The following CCDC141 variants were observed in gnomAD, a reference collection of about 807,000 sequenced individuals.
CCDC141 encodes coiled-coil domain-containing protein 141.
A neutral mutation model predicts 181.0 loss-of-function variants in CCDC141; 168 were observed. The observed-to-expected ratio is 0.93, with a 90% CI of 0.82 to 1.05. CCDC141 has a LOEUF of 1.05. CCDC141 is among the 50% of genes least tolerant of loss of function. The probability of loss-of-function intolerance (pLI) is 0.00; values close to 1 mark genes in which losing one functional copy is unlikely to be tolerated. For synonymous variants in CCDC141, 666 were observed against 642.3 expected (o/e 1.04, Z -0.56); for missense variants, 1,902 against 1,788.5 (o/e 1.06, Z -1.14).
chr2:178,952,455 G>A (rs949947237), intron 5 of CCDC141, among the ~76,000 whole-genome samples: 3 of 152,168 alleles, frequency 2.0e-5, no homozygotes, highest in African/African-American at 7.2e-5. Flanking sequence ...CTGAGGCACA[G>A]AGGCCAAGTA....
intron 23 of CCDC141, chr2:178,835,870 G>A (rs1388623259): frequency 6.6e-6 from 1 of 152,424 alleles, no homozygotes; most frequent in Non-Finnish European, 1.5e-5. Flanking sequence ...AAAACAAAAA[G>A]CAAAAGTGAC....
intron 6 of CCDC141, among the ~76,000 whole-genome samples, chr2:178,942,937 T>C (rs1199695148): frequency 2.0e-5 from 3 of 152,188 alleles, no homozygotes; most frequent in Admixed American, 2.0e-4. Flanking sequence ...GGTTGAAATA[T>C]GAGCTATAAA....
rs76185070 is a variant in CCDC141 at position 178,879,723 on chromosome 2, T to C, written c.1720-1580A>G. On this transcript the variant is annotated intron_variant, in intron 11 of 23. Coordinates refer to ENST00000443758, the MANE Select transcript of CCDC141 (RefSeq NM_173648.4). ...GACCACCAACTCTATATGGAGTAAA[T>C]AGGGAAGAGCTTCCCAAAGGAAGTG... Among the ~76,000 whole-genome samples, 662 of 152,232 alleles carry C rather than the reference T, an allele frequency of 4.3e-3. 7 individuals carry two copies. Among genetic ancestry groups the C allele is most frequent in the African/African-American group, 0.015 (637 of 41,540 alleles).
intron 2 of CCDC141, among the ~76,000 whole-genome samples, chr2:179,007,947 T>C (rs2042160731): frequency 6.6e-6 from 1 of 152,208 alleles, no homozygotes; most frequent in Non-Finnish European, 1.5e-5. Context: ...TCAGAAGTAG[T>C]ACCAGAGAAT....
chr2:178,927,697 G>T (rs1040635535), intron 6 of CCDC141, among the ~76,000 whole-genome samples: 11 of 152,110 alleles, frequency 7.2e-5, no homozygotes, highest in African/African-American at 2.4e-4. Context: ...GTGGAGGTGG[G>T]GTGGGGAGTG....
intron 2 of CCDC141, among the ~76,000 whole-genome samples, chr2:179,026,226 C>A (rs1403100562): frequency 2.6e-5 from 4 of 152,196 alleles, no homozygotes; most frequent in Admixed American, 2.6e-4. Flanking sequence ...CAGCCCCTTC[C>A]ATCACAAGCC....
intron 2 of CCDC141, among the ~76,000 whole-genome samples, chr2:178,982,864 G>A (rs1338478309): frequency 2.0e-5 from 3 of 152,198 alleles, no homozygotes; most frequent in African/African-American, 7.2e-5. Context: ...AGATCAAACT[G>A]CAAGGCGGCA....
chr2:179,023,385 T>A (rs899789687), intron 2 of CCDC141, among the ~76,000 whole-genome samples: 1 of 152,154 alleles, frequency 6.6e-6, no homozygotes, highest in Non-Finnish European at 1.5e-5. Flanking sequence ...GGAATGCACA[T>A]CCAGGCAGGC....
At position 178,834,180 on chromosome 2, in the gene CCDC141, G is replaced by T; in HGVS notation, c.4586C>A (p.Thr1529Lys). 6.5e-7 allele frequency: 1 copy of T among 1,535,584 alleles called. No individual in the cohort carries two copies. Among genetic ancestry groups the T allele is most frequent in the Non-Finnish European group, 8.7e-7 (1 of 1,146,286 alleles). ...TTGGTGCCAACACCACAGTTATTGT[G>T]TGAGGAGCCAGTACATTAGGGACAC... is the stretch of plus-strand genomic sequence containing the variant. Reference protein sequence around the residue: ...VSVSLMYWLLTQ With the variant: ...VSVSLMYWLLKQ The change falls in exon 24 of 24, where the codon ACA becomes AAA. Residue 1529 changes from threonine to lysine, a missense_variant. Thr to Lys is a moderately conservative substitution (Grantham distance 78, BLOSUM62 -1). Coordinates refer to ENST00000443758, the MANE Select transcript of CCDC141 (RefSeq NM_173648.4).
At chr2:178,953,304 G>A (rs538383540) in intron 5 of CCDC141, among the ~76,000 whole-genome samples, 2 of 152,084 alleles carry the variant, frequency 1.3e-5, no homozygotes, top group Non-Finnish European at 2.9e-5. Context: ...GGGTGTGGTG[G>A]CAGGCGCCTG....
At chr2:178,967,739 A>T (rs1452041477) in intron 4 of CCDC141, among the ~76,000 whole-genome samples, 1 of 152,190 alleles carries the variant, frequency 6.6e-6, no homozygotes, top group Non-Finnish European at 1.5e-5. Context: ...CACACATAAC[A>T]ATATTAACCT....
chr2:178,994,711 G>A (rs1206960369), intron 2 of CCDC141, among the ~76,000 whole-genome samples: 5 of 152,136 alleles, frequency 3.3e-5, no homozygotes, highest in Non-Finnish European at 7.3e-5. Flanking sequence ...AAACTTTTAT[G>A]CTCTGCTTCC....
intron 6 of CCDC141, among the ~76,000 whole-genome samples, chr2:178,921,774 C>A (rs772426520): frequency 6.6e-6 from 1 of 152,158 alleles, no homozygotes; most frequent in Non-Finnish European, 1.5e-5. Flanking sequence ...ACTGGGTTCA[C>A]CAGCTCCCAC....
intron 21 of CCDC141, among the ~76,000 whole-genome samples, chr2:178,849,527 G>A (rs1685075884): frequency 6.6e-6 from 1 of 152,104 alleles, no homozygotes. Flanking sequence ...ACTTTAACTG[G>A]TTTTGCTTAG....
intron 2 of CCDC141, among the ~76,000 whole-genome samples, chr2:178,995,746 A>C (rs989270255): frequency 6.6e-6 from 1 of 152,184 alleles, no homozygotes; most frequent in African/African-American, 2.4e-5. Flanking sequence ...ATTTAGAATA[A>C]ACAGACAACT....
chr2:179,015,785 A>C (rs1478828609), intron 2 of CCDC141, among the ~76,000 whole-genome samples: 1 of 140,186 alleles, frequency 7.1e-6, no homozygotes, highest in East Asian at 2.1e-4. Context: ...TCATATATGT[A>C]TCATATATAT....
chr2:178,901,327 C>T (rs13419346), intron 8 of CCDC141, among the ~76,000 whole-genome samples: 7,255 of 152,126 alleles, frequency 0.048, 459 homozygotes, highest in South Asian at 0.21. Context: ...AGGCGAATAT[C>T]CTTGATGAAT....
chr2:179,021,021 A>G (rs1424591933), intron 2 of CCDC141, among the ~76,000 whole-genome samples: 7 of 152,224 alleles, frequency 4.6e-5, no homozygotes, highest in Non-Finnish European at 7.3e-5. Context: ...TCACCTGGCT[A>G]CTGTTCAGTC....
downstream of CCDC141, among the ~76,000 whole-genome samples, chr2:178,824,883 G>C (rs1229975781): frequency 1.3e-5 from 2 of 152,178 alleles, no homozygotes; most frequent in East Asian, 1.9e-4. Context: ...GTGCTCTACT[G>C]TTTATACTAC....
Sources: gnomAD v4.1 joint callset for allele counts (sites outside exome capture counted in the v4.1 genomes callset) on GRCh38, gnomAD v4.1.1 for gene constraint, MANE v1.5 for transcripts, NCBI Gene and HGNC (gene_info 2026-07-23, HGNC 2026-07-21) for gene names.